NID1: variants seen among roughly 807,000 people sequenced by gnomAD.
NID1 encodes nidogen-1.
NID1 carries 76 observed loss-of-function variants against 130.6 expected under a neutral mutation model. That is an observed-to-expected ratio of 0.58 (90% CI 0.48 to 0.70). NID1 has a LOEUF of 0.70. Among genes scored for constraint, NID1 ranks in the 30% least tolerant of loss-of-function variants. NID1 has a pLI of 0.00. For synonymous variants in NID1, 665 were observed against 675.1 expected (o/e 0.98, Z 0.23); for missense variants, 1,517 against 1,664.8 (o/e 0.91, Z 1.54).
intron 1 of NID1, 24 bp downstream of exon 1, chr1:236,064,831 C>T (rs1269425027): frequency 6.3e-7 from 1 of 1,596,782 alleles, no homozygotes; most frequent in Non-Finnish European, 8.5e-7. Context: ...CAGCCCCTCG[C>T]CCGCCCTCCC....
At chr1:236,062,101 T>C (rs1157297748) in intron 1 of NID1, among the ~76,000 whole-genome samples, 2 of 151,762 alleles carry the variant, frequency 1.3e-5, no homozygotes, top group African/African-American at 2.4e-5. Context: ...ATGAAACTTA[T>C]ATCTACACAT....
intron 1 of NID1, 92 bp from the exon 2 acceptor site, chr1:236,049,081 AC>A: frequency 1.5e-6 from 2 of 1,301,988 alleles, no homozygotes; most frequent in South Asian, 1.3e-5. Flanking sequence ...TGTCAGCTGT[AC>A]CCATGCTGTG....
rs1331417881 is a variant in NID1 at position 236,024,957 on chromosome 1, C to CTTT, written c.1985-747_1985-745dup. Among the ~76,000 whole-genome samples, 41 of 145,344 alleles carry CTTT rather than the reference C, an allele frequency of 2.8e-4. 1 individual carries two copies. The highest frequency in any genetic ancestry group is 1.0e-3 in the African/African-American group (40 of 39,810). On this transcript the variant is annotated intron_variant, in intron 8 of 19. Coordinates refer to ENST00000264187, the MANE Select transcript of NID1 (RefSeq NM_002508.3). ...GGCACTAACCACACAATTTCTTTTTCTTTTTTTTTTTTTGAGACAGCCCCT... is the reference window on the plus strand; with the variant it reads ...GGCACTAACCACACAATTTCTTTTTCTTTTTTTTTTTTTTTTGAGACAGCCCCT...
At chr1:235,996,800 G>A (rs2031484) in intron 12 of NID1, among the ~76,000 whole-genome samples, 25,829 of 151,662 alleles carry the variant, frequency 0.17, 2,863 homozygotes, top group East Asian at 0.56. Context: ...CTGGCCTCCA[G>A]CTCCTGGACT....
At chr1:235,985,331 G>C (rs760201292) in intron 15 of NID1, 48 bp downstream of exon 15, 1 of 1,610,954 alleles carries the variant, frequency 6.2e-7, no homozygotes, top group Admixed American at 1.7e-5. Flanking sequence ...GGCCACTTTG[G>C]CTGCTAGAAG....
Position 236,017,195 on chromosome 1 carries a change from C to A in NID1, c.2207G>T (p.Cys736Phe). 1 of 1,614,142 alleles carries A rather than the reference C, an allele frequency of 6.2e-7. No homozygotes were observed. Among genetic ancestry groups the A allele is most frequent in the Non-Finnish European group, 8.5e-7 (1 of 1,180,008 alleles). The change falls in exon 10 of 20, where the codon TGC (cysteine) becomes TTC (phenylalanine). Residue 736 changes from cysteine to phenylalanine, a missense_variant. This residue lies in a region of NID1 where 1,329 missense variants were observed against 1,429.2 expected (regional missense o/e 0.93). Coordinates refer to ENST00000264187, the MANE Select transcript of NID1 (RefSeq NM_002508.3). ...AAACTGGTAGCCCTCCACACACTCG[C>A]AGCGGAAGGTTCCTGGGTGATTATT... ...ICNNHPGTFR[C>F]ECVEGYQFSD...
chr1:235,998,583 G>A (rs1174886431), intron 12 of NID1, among the ~76,000 whole-genome samples: 2 of 151,964 alleles, frequency 1.3e-5, no homozygotes, highest in Non-Finnish European at 2.9e-5. Flanking sequence ...GCTGAGGCTG[G>A]AGAATCATTT....
chr1:236,055,536 T>G (rs1659876525), intron 1 of NID1, among the ~76,000 whole-genome samples: 1 of 151,982 alleles, frequency 6.6e-6, no homozygotes, highest in African/African-American at 2.4e-5. Context: ...ACACCTGTAA[T>G]TCTAGCCACT....
At chr1:235,993,312 T>C (rs1657812555) in intron 13 of NID1, among the ~76,000 whole-genome samples, 1 of 152,194 alleles carries the variant, frequency 6.6e-6, no homozygotes, top group Non-Finnish European at 1.5e-5. Context: ...AGAGTTCTTC[T>C]GGGAGGCCTG....
intron 15 of NID1, among the ~76,000 whole-genome samples, chr1:235,984,485 G>A (rs1657520415): frequency 6.6e-6 from 1 of 152,114 alleles, no homozygotes; most frequent in Admixed American, 6.6e-5. Flanking sequence ...ACATTCCATT[G>A]AAAATAGAAA....
At chr1:236,002,556 G>T (rs1190982364) in intron 12 of NID1, among the ~76,000 whole-genome samples, 1 of 152,088 alleles carries the variant, frequency 6.6e-6, no homozygotes, top group Non-Finnish European at 1.5e-5. Flanking sequence ...AATCTGCGGT[G>T]TGTCCAATAC....
At chr1:236,017,528 C>T (rs910710123) in intron 9 of NID1, among the ~76,000 whole-genome samples, 3 of 151,874 alleles carry the variant, frequency 2.0e-5, no homozygotes, top group Admixed American at 1.3e-4. Flanking sequence ...TGGGATTACA[C>T]GTGTGTGCCA....
intron 1 of NID1, among the ~76,000 whole-genome samples, chr1:236,051,433 G>A (rs1659762036): frequency 1.3e-5 from 2 of 152,202 alleles, no homozygotes; most frequent in African/African-American, 4.8e-5. Context: ...GTGCAGAACC[G>A]ATTGGCACCC....
chr1:235,993,577 G>T, intron 13 of NID1, 68 bp downstream of exon 13: 1 of 1,333,460 alleles, frequency 7.5e-7, no homozygotes, highest in Non-Finnish European at 1.0e-6. Flanking sequence ...CAAAGAGCGT[G>T]TTCAGCAATT....
intron 15 of NID1, 49 bp from the exon 16 acceptor site, chr1:235,981,831 C>T (rs535492238): frequency 6.5e-7 from 1 of 1,530,674 alleles, no homozygotes; most frequent in South Asian, 1.2e-5. Flanking sequence ...TTCTAAGCAG[C>T]TGAGATGAGG....
intron 1 of NID1, among the ~76,000 whole-genome samples, chr1:236,052,522 G>A (rs1282303724): frequency 1.3e-5 from 2 of 152,258 alleles, no homozygotes; most frequent in African/African-American, 4.8e-5. Flanking sequence ...CACCACCCAC[G>A]CTGCATGTCC....
At chr1:236,023,718 C>T (rs1658837292) in intron 9 of NID1, among the ~76,000 whole-genome samples, 1 of 152,062 alleles carries the variant, frequency 6.6e-6, no homozygotes, top group African/African-American at 2.4e-5. Context: ...TTGTGAAGCA[C>T]TTAGTTCAAA....
At chr1:236,020,059 CAA>C (rs1553345425) in intron 9 of NID1, among the ~76,000 whole-genome samples, 11 of 81,628 alleles carry the variant, frequency 1.3e-4, no homozygotes, top group African/African-American at 3.7e-4. Flanking sequence ...AAAAAAAAAA[CAA>C]AAACAAACTT....
intron 1 of NID1, among the ~76,000 whole-genome samples, chr1:236,062,755 T>C (rs1398757946): frequency 6.6e-6 from 1 of 152,018 alleles, no homozygotes; most frequent in Admixed American, 6.6e-5. Context: ...TATCACATCA[T>C]AGTTGCTGCA....
Sources: gnomAD v4.1 joint callset for allele counts (sites outside exome capture counted in the v4.1 genomes callset) on GRCh38, gnomAD v4.1.1 for gene constraint, gnomAD v4.1.1 regional missense constraint, MANE v1.5 for transcripts, NCBI Gene and HGNC (gene_info 2026-07-23, HGNC 2026-07-21) for gene names.